NLRP4: variants seen among roughly 807,000 people sequenced by gnomAD.
NLRP4 encodes the protein NLR family pyrin domain containing 4.
A neutral mutation model predicts 84.7 loss-of-function variants in NLRP4; 44 were observed. The observed-to-expected ratio is 0.52, with a 90% CI of 0.41 to 0.67. NLRP4 has a LOEUF of 0.67. NLRP4 is among the 30% of genes least tolerant of loss of function. The probability of loss-of-function intolerance (pLI) is 0.00; values close to 1 mark genes in which losing one functional copy is unlikely to be tolerated. For synonymous variants in NLRP4, 544 were observed against 476.4 expected, an observed-to-expected ratio of 1.14 and a Z score of -1.85; for missense variants, 1,260 against 1,219.4, an observed-to-expected ratio of 1.03 and a Z score of -0.50.
chr19:55,837,191 T>C (rs1248689672), intron 1 of NLRP4, among the ~76,000 whole-genome samples: 4 of 152,104 alleles, frequency 2.6e-5, no homozygotes, highest in African/African-American at 9.7e-5. Context: ...TTCTTTGTGT[T>C]AGGAACATTC....
chr19:55,839,170 C>T (rs2122988017), intron 1 of NLRP4, among the ~76,000 whole-genome samples: 1 of 152,134 alleles, frequency 6.6e-6, no homozygotes. Flanking sequence ...ATGTTCCCCT[C>T]CCTGTGTCCG....
At chr19:55,843,517 C>T (rs1415143782) in intron 1 of NLRP4, among the ~76,000 whole-genome samples, 1 of 151,830 alleles carries the variant, frequency 6.6e-6, no homozygotes, top group Non-Finnish European at 1.5e-5. Flanking sequence ...ATGGTGAAAC[C>T]CTGTCTCTAC....
rs538575562 is a variant in NLRP4, at chr19:55,861,130, G to A, written c.1857-256G>A. ...CCTGGTCTGTACTCACTAGATGCCA[G>A]AAGCACCCCTCCCTTAAGCTCTAAC... On this transcript the variant is annotated intron_variant, in intron 3 of 9. Coordinates refer to ENST00000301295, the MANE Select transcript of NLRP4 (RefSeq NM_134444.5). Among the ~76,000 whole-genome samples, 23 of 152,246 alleles carry A rather than the reference G, an allele frequency of 1.5e-4. No individual in the cohort carries two copies. The East Asian group carries it at 4.5e-3, about 29-fold the overall frequency.
chr19:55,838,035 C>CCAAAAAAAAAAAAAAAAAAGAAA lies in NLRP4; in HGVS notation c.-66+1101_-66+1102insCAAAAAAAAAAAAAAAAAAGAAA, dbSNP rs59078329. On this transcript the variant is annotated intron_variant, in intron 1 of 9. Transcript: ENST00000301295. Reference sequence around the variant, plus strand: ...TGGGTGACAGAATGAGACTCGGTCTCAAGCTGGATGCAGTGGCTCACACCT... The same window carrying CCAAAAAAAAAAAAAAAAAAGAAA: ...TGGGTGACAGAATGAGACTCGGTCTCCAAAAAAAAAAAAAAAAAAGAAAAAGCTGGATGCAGTGGCTCACACCT... 1.5e-5 allele frequency among the ~76,000 whole-genome samples: 2 copies of CCAAAAAAAAAAAAAAAAAAGAAA among 132,658 alleles called. 1 individual carries two copies. The highest frequency in any genetic ancestry group is 1.5e-4 in the Admixed American group (2 of 13,280). 87.0% of individuals were successfully genotyped at this position (132,658 alleles called of 152,430 possible).
At chr19:55,847,862 C>A (rs1443864882) in intron 1 of NLRP4, among the ~76,000 whole-genome samples, 1 of 151,980 alleles carries the variant, frequency 6.6e-6, no homozygotes. Context: ...CTACAGACAC[C>A]TGCCACCACG....
chr19:55,864,424 G>T (rs1984876198), intron 5 of NLRP4, among the ~76,000 whole-genome samples: 1 of 152,186 alleles, frequency 6.6e-6, no homozygotes, highest in Admixed American at 6.5e-5. Flanking sequence ...TGGCTAAATA[G>T]TATTCCACTG....
chr19:55,874,161 T>A (rs572989174), intron 7 of NLRP4, among the ~76,000 whole-genome samples: 16 of 142,980 alleles, frequency 1.1e-4, no homozygotes, highest in Non-Finnish European at 2.2e-4. Flanking sequence ...AATTTTCAAG[T>A]AGCCATATTA....
intron 1 of NLRP4, among the ~76,000 whole-genome samples, chr19:55,848,060 C>G (rs1479334874): frequency 6.6e-6 from 1 of 152,104 alleles, no homozygotes; most frequent in African/African-American, 2.4e-5. Context: ...GGATCCCCCA[C>G]TGGGTTTCAT....
intron 1 of NLRP4, among the ~76,000 whole-genome samples, chr19:55,838,556 T>C (rs574049307): frequency 3.3e-5 from 5 of 152,208 alleles, no homozygotes; most frequent in Non-Finnish European, 7.4e-5. Context: ...TGGTACGTTG[T>C]CATGCCAGCC....
At chr19:55,853,750 TC>T (rs1984265745) in intron 2 of NLRP4, among the ~76,000 whole-genome samples, 1 of 137,598 alleles carries the variant, frequency 7.3e-6, no homozygotes, top group Non-Finnish European at 1.5e-5. Flanking sequence ...CCTTTTTCTT[TC>T]TCTTTCTCTT....
chr19:55,860,168 G>T (rs1009685270), intron 3 of NLRP4, among the ~76,000 whole-genome samples: 1 of 151,980 alleles, frequency 6.6e-6, no homozygotes, highest in African/African-American at 2.4e-5. Context: ...TGTGTTTTTA[G>T]TAGAGACAGG....
intron 1 of NLRP4, among the ~76,000 whole-genome samples, chr19:55,837,562 A>G (rs970134097): frequency 1.8e-4 from 27 of 150,320 alleles, no homozygotes; most frequent in African/African-American, 6.3e-4. Flanking sequence ...TATCAATAAA[A>G]GTTGGTTTTT....
Position 55,852,296 on chromosome 19 carries a change from C to A in NLRP4, c.216C>A (p.Thr72=). ...AAGAACAACAAGCTTGGAACATAAC[C>A]TTAAGAATCTTTCAAAAGATGGATA... ...HYEEQQAWNI[T]LRIFQKMDRK... Residue 72 remains threonine (T), a synonymous_variant, in exon 2 of 10, where the codon ACC becomes ACA. Coordinates refer to ENST00000301295, the MANE Select transcript of NLRP4 (RefSeq NM_134444.5). The A allele has an allele frequency of 1.9e-6, 3 of 1,606,276 alleles. No homozygotes were observed. The highest frequency in any genetic ancestry group is 2.5e-6 in the Non-Finnish European group (3 of 1,177,198).
chr19:55,858,450 C>G lies in NLRP4; in HGVS notation c.1057C>G (p.Gln353Glu), dbSNP rs774633792. The G allele has an allele frequency of 4.3e-6, 7 of 1,613,978 alleles. No individual in the cohort carries two copies. The East Asian group carries it at 1.3e-4, about 31-fold the overall frequency. The change falls in exon 3 of 10, where the codon CAA becomes GAA. Residue 353 changes from glutamine (Q) to glutamate (E), a missense_variant. By Grantham distance (29) the Gln-to-Glu change is conservative (BLOSUM62 2). Transcript: ENST00000301295. The surrounding 1 kb of genome is among the most constrained non-coding windows in gnomAD (Gnocchi z 4.2). ...LCWILCTSLK[Q>E]EMQKGKDLAL... ...CTGGATCCTGTGTACCAGTCTGAAG[C>G]AAGAGATGCAGAAAGGAAAAGACCT...
chr19:55,843,992 A>G (rs1256872594), intron 1 of NLRP4, among the ~76,000 whole-genome samples: 3 of 152,094 alleles, frequency 2.0e-5, no homozygotes, highest in Non-Finnish European at 4.4e-5. Flanking sequence ...ATCTCTGTCA[A>G]ATCTGATACT....
At chr19:55,879,333 G>C (rs1005125894) in intron 9 of NLRP4, among the ~76,000 whole-genome samples, 1 of 152,176 alleles carries the variant, frequency 6.6e-6, no homozygotes, top group Non-Finnish European at 1.5e-5. Context: ...GCTACAGAGA[G>C]GGGTCTCGGA....
At chr19:55,876,880 G>A (rs2123068480) in intron 7 of NLRP4, 116 bp from the exon 8 acceptor site, 1 of 711,694 alleles carries the variant, frequency 1.4e-6, no homozygotes, top group East Asian at 2.6e-5. Flanking sequence ...GGATATGGAG[G>A]ACTGACGGTG....
intron 2 of NLRP4, among the ~76,000 whole-genome samples, chr19:55,856,336 C>T (rs1015725690): frequency 2.0e-5 from 3 of 151,930 alleles, no homozygotes; most frequent in Non-Finnish European, 4.4e-5. Flanking sequence ...CAGAAGAGTC[C>T]AGCGTCTGTG....
rs1555807348 is a variant in NLRP4, at chr19:55,849,831, A to AAGCTGCGGTGTAATTACCGT, written c.-65-2170_-65-2169insACCGTAGCTGCGGTGTAATT. On this transcript the variant is annotated intron_variant, in intron 1 of 9. Transcript: ENST00000301295. ...TTCCAAAGCTGCGGTGTAATTTCCG[A>AAGCTGCGGTGTAATTACCGT]AGCTGCGGTGTAATTTCCGAGACTG... 6.5e-4 allele frequency among the ~76,000 whole-genome samples: 74 copies of AAGCTGCGGTGTAATTACCGT among 114,648 alleles called. 8 individuals are homozygous for AAGCTGCGGTGTAATTACCGT. The highest frequency in any genetic ancestry group is 3.8e-3 in the African/African-American group (71 of 18,864). The allele number at this position is 114,648 out of a possible 152,430, so 75.2% of individuals were successfully genotyped here.
Sources: gnomAD v4.1 joint callset for allele counts (sites outside exome capture counted in the v4.1 genomes callset) on GRCh38, gnomAD v4.1.1 for gene constraint, Gnocchi (gnomAD v3.1) non-coding constraint, MANE v1.5 for transcripts, NCBI Gene and HGNC (gene_info 2026-07-23, HGNC 2026-07-21) for gene names.